KIRREL2: variants seen among roughly 807,000 people sequenced by gnomAD.
KIRREL2 encodes the protein kirre like nephrin family adhesion molecule 2, also known as kin of IRRE-like protein 2.
A neutral mutation model predicts 73.4 loss-of-function variants in KIRREL2; 56 were observed. The ratio of observed to expected loss-of-function variants is 0.76; its 90% CI spans 0.62 to 0.95. The LOEUF is 0.95. Ranked by LOEUF, KIRREL2 falls within the 40% of genes least tolerant of loss-of-function variation. The pLI is 0.00. For synonymous variants in KIRREL2, 407 were observed against 404.0 expected (o/e 1.01, Z -0.09); for missense variants, 896 against 935.0 (o/e 0.96, Z 0.54).
chr19:35,853,075 A>G (rs544064633), upstream of KIRREL2, among the ~76,000 whole-genome samples: 3 of 151,806 alleles, frequency 2.0e-5, no homozygotes, highest in East Asian at 5.8e-4. Flanking sequence ...GATTACAGAC[A>G]TGAGCCACCG....
chr19:35,859,692 G>A (rs892650753), intron 5 of KIRREL2, 61 bp downstream of exon 5: 36 of 1,581,882 alleles, frequency 2.3e-5, no homozygotes, highest in Non-Finnish European at 2.9e-5. Context: ...GTATGAGGAA[G>A]GAGGGGACTG....
At position 35,858,817 on chromosome 19, in the gene KIRREL2, C is replaced by T. The variant is rs1460049866; in HGVS notation, c.475C>T (p.Leu159=). The T allele has an allele frequency of 1.2e-6, 2 of 1,614,056 alleles. No individual in the cohort carries two copies. Among genetic ancestry groups the T allele is most frequent in the African/African-American group, 2.7e-5 (2 of 74,914 alleles). ...GGATGCCCGCCCTACCCCTGAATTGCTGTGGTTCCGAGATGGGGTCCTGTT... is the reference window on the plus strand; with the variant it reads ...GGATGCCCGCCCTACCCCTGAATTGTTGTGGTTCCGAGATGGGGTCCTGTT... The part of the protein sequence containing the change: ...RGDARPTPEL[L]WFRDGVLLDG... The change falls in exon 4 of 15, where the codon CTG becomes TTG. Residue 159 remains leucine (L), a synonymous_variant. Transcript: ENST00000360202.
At position 35,861,114 on chromosome 19, in the gene KIRREL2, T is replaced by C; in HGVS notation, c.1057-8T>C. ...AATCCGGCTTCTGACGCCCCTTCCC[T>C]GTCGCAGGTGCTGGGCTCTGGAGCC... On this transcript the variant is annotated splice_polypyrimidine_tract_variant and splice_region_variant and intron_variant, in intron 8 of 14. Transcript: ENST00000360202. The C allele has an allele frequency of 6.2e-7, 1 of 1,606,794 alleles. No homozygotes were observed. Among genetic ancestry groups the C allele is most frequent in the Non-Finnish European group, 8.5e-7 (1 of 1,177,474 alleles).
chr19:35,862,672 TGGCCTTG>T (rs1196655017), intron 12 of KIRREL2, 75 bp downstream of exon 12: 11 of 1,127,344 alleles, frequency 9.8e-6, no homozygotes, highest in Non-Finnish European at 1.5e-5. Flanking sequence ...TGACCTGACC[TGGCCTTG>T]GGCCTTGGCT....
chr19:35,851,805 G>A, upstream of KIRREL2: 3 of 1,553,170 alleles, frequency 1.9e-6, no homozygotes, highest in Non-Finnish European at 1.7e-6. Context: ...CCAGGAGCAG[G>A]AGAGAAGCCC....
chr19:35,865,555 G>A (rs570284662), intron 14 of KIRREL2, among the ~76,000 whole-genome samples: 2 of 152,216 alleles, frequency 1.3e-5, no homozygotes, highest in Admixed American at 1.3e-4. Context: ...CTTGTTCTAG[G>A]AAGCCCATGC....
At chr19:35,851,824 G>A (rs191850409), upstream of KIRREL2, 206 of 1,551,860 alleles carry the variant, frequency 1.3e-4, 1 homozygote, top group East Asian at 4.1e-3. Context: ...CCTGAGCGTC[G>A]TCCCCAGGGC....
chr19:35,856,748 G>T, upstream of KIRREL2: 1 of 389,492 alleles, frequency 2.6e-6, no homozygotes, highest in Non-Finnish European at 4.8e-6. The surrounding 1 kb of genome is among the most constrained non-coding windows in gnomAD (Gnocchi z 5.9). Flanking sequence ...CCGGCTCCCA[G>T]ACCCCAATTG....
chr19:35,851,881 C>A (rs1247335083), upstream of KIRREL2: 8 of 1,527,320 alleles, frequency 5.2e-6, no homozygotes, highest in East Asian at 1.7e-4. Flanking sequence ...CGCTGCCAGC[C>A]ACCTGCGTCT....
Position 35,859,564 on chromosome 19 carries a change from T to G in KIRREL2, c.606T>G (p.Phe202Leu). The change falls in exon 5 of 15, where the codon TTT becomes TTG. Residue 202 changes from phenylalanine to leucine, a missense_variant. By Grantham distance (22) the Phe-to-Leu change is conservative. Coordinates refer to ENST00000360202, the MANE Select transcript of KIRREL2 (RefSeq NM_199180.4). Reference protein sequence around the residue: ...TPFSHDDGATFVCRARSQALP... With the variant: ...TPFSHDDGATLVCRARSQALP... ...TCAGCCATGATGATGGAGCCACCTT[T>G]GTCTGCCGGGCCCGGAGCCAGGCCC... 1 of 1,614,150 alleles carries G rather than the reference T, an allele frequency of 6.2e-7. No homozygotes were observed. Among genetic ancestry groups the G allele is most frequent in the East Asian group, 2.2e-5 (1 of 44,874 alleles).
In KIRREL2 at chr19:35,858,787, C is replaced by T. The variant is rs760626191; in HGVS notation, c.445C>T (p.Arg149Cys). The T allele has an allele frequency of 2.6e-5, 42 of 1,614,058 alleles. No homozygotes were observed. Among genetic ancestry groups the T allele is most frequent in the African/African-American group, 8.0e-5 (6 of 74,912 alleles). The change falls in exon 4 of 15, where the codon CGT (arginine) becomes TGT (cysteine). Residue 149 changes from arginine to cysteine, a missense_variant. By Grantham distance (180) the Arg-to-Cys change is radical. Coordinates refer to ENST00000360202, the MANE Select transcript of KIRREL2 (RefSeq NM_199180.4). ...TCCTGCGAACCTGACATGTCGGAGC[C>T]GTGGGGATGCCCGCCCTACCCCTGA... Reference protein sequence around the residue: ...GVPANLTCRSRGDARPTPELL... With the variant: ...GVPANLTCRSCGDARPTPELL...
intron 2 of KIRREL2, among the ~76,000 whole-genome samples, chr19:35,858,136 A>T (rs1469530404): frequency 1.3e-5 from 2 of 151,878 alleles, no homozygotes; most frequent in Non-Finnish European, 2.9e-5. Flanking sequence ...CCCCTATCAT[A>T]GCCCCCTCCC....
Position 35,857,139 on chromosome 19 carries a change from C to A in KIRREL2, c.20C>A (p.Pro7His). The change falls in exon 1 of 15, where the codon CCC becomes CAC. Residue 7 changes from proline to histidine, a missense_variant. Transcript: ENST00000360202. MLRMRV[P>H]ALLVLLFCFR... Reference sequence around the variant, plus strand: ...GGACGAATGCTCAGGATGCGGGTCCCCGCCCTCCTCGTCCTCCTCTTCTGC... The same window carrying A: ...GGACGAATGCTCAGGATGCGGGTCCACGCCCTCCTCGTCCTCCTCTTCTGC... 6.2e-7 allele frequency: 1 copy of A among 1,613,778 alleles called. No homozygotes were observed. The highest frequency in any genetic ancestry group is 8.5e-7 in the Non-Finnish European group (1 of 1,179,962).
rs965134920 is a variant in KIRREL2 at position 35,861,794 on chromosome 19, T to C, written c.1291-11T>C. The C allele has an allele frequency of 1.9e-6, 3 of 1,587,932 alleles. No individual in the cohort carries two copies. The highest frequency in any genetic ancestry group is 2.6e-6 in the Non-Finnish European group (3 of 1,166,630). On this transcript the variant is annotated splice_polypyrimidine_tract_variant and intron_variant, in intron 10 of 14. Transcript: ENST00000360202. ...AGTCTCCTCCGTGTCCTCCCTCTTTTGTGCCCCCAGGTCTGGTCTTGGGAT... is the reference window on the plus strand; with the variant it reads ...AGTCTCCTCCGTGTCCTCCCTCTTTCGTGCCCCCAGGTCTGGTCTTGGGAT...
chr19:35,860,434 C>A, intron 6 of KIRREL2, 32 bp downstream of exon 6: 1 of 1,608,878 alleles, frequency 6.2e-7, no homozygotes. Flanking sequence ...TCCCCAGCCC[C>A]AAGAGTGAGC....
chr19:35,857,373 A>G lies in KIRREL2; in HGVS notation c.90A>G (p.Pro30=). The G allele has an allele frequency of 6.2e-7, 1 of 1,612,854 alleles. No individual in the cohort carries two copies. The highest frequency in any genetic ancestry group is 8.5e-7 in the Non-Finnish European group (1 of 1,180,024). ...CGTCGCCCCATTTCCTGCAACAGCC[A>G]GAGGACCTGGTGGTGCTGCTGGGGG... ...AGPSPHFLQQ[P]EDLVVLLGEE... The change falls in exon 2 of 15, where the codon CCA becomes CCG. Residue 30 remains proline (P), a synonymous_variant. Coordinates refer to ENST00000360202, the MANE Select transcript of KIRREL2 (RefSeq NM_199180.4).
Position 35,860,298 on chromosome 19 carries a change from C to T in KIRREL2, c.675C>T (p.Tyr225=). 2 of 1,612,430 alleles carry T rather than the reference C, an allele frequency of 1.2e-6. No individual in the cohort carries two copies. Among genetic ancestry groups the T allele is most frequent in the Non-Finnish European group, 1.7e-6 (2 of 1,178,932 alleles). ...RDTAITLSLQ[Y]PPEVTLSASP... ...CTGACCATTGTCCCACCCTCACAGA[C>T]CCCCCAGAGGTGACTCTGTCTGCTT... is the stretch of plus-strand genomic sequence containing the variant. Residue 225 remains tyrosine, a splice_region_variant and synonymous_variant, in exon 6 of 15, where the codon TAC becomes TAT. Coordinates refer to ENST00000360202, the MANE Select transcript of KIRREL2 (RefSeq NM_199180.4).
At chr19:35,857,244 T>C in intron 1 of KIRREL2, 64 bp downstream of exon 1, 1 of 1,603,012 alleles carries the variant, frequency 6.2e-7, no homozygotes, top group Non-Finnish European at 8.5e-7. Flanking sequence ...GGGCTGCCTC[T>C]TCACTAGCGA....
chr19:35,861,149 C>T lies in KIRREL2; in HGVS notation c.1084C>T (p.Leu362Phe). The T allele has an allele frequency of 6.3e-7, 1 of 1,596,454 alleles. No individual in the cohort carries two copies. The highest frequency in any genetic ancestry group is 8.5e-7 in the Non-Finnish European group (1 of 1,172,402). ...GCTGGGCTCTGGAGCCACACTGCGT[C>T]TTCCGTCGGTGGGGCCCGAGGACGC... is the stretch of plus-strand genomic sequence containing the variant. Reference protein sequence around the residue: ...QVLGSGATLRLPSVGPEDAGD... With the variant: ...QVLGSGATLRFPSVGPEDAGD... The change falls in exon 9 of 15, where the codon CTT (leucine) becomes TTT (phenylalanine). Residue 362 changes from leucine to phenylalanine, a missense_variant. Coordinates refer to ENST00000360202, the MANE Select transcript of KIRREL2 (RefSeq NM_199180.4).
Sources: allele counts gnomAD v4.1 joint callset (sites outside exome capture counted in the v4.1 genomes callset), GRCh38; gene constraint gnomAD v4.1.1; non-coding constraint Gnocchi (gnomAD v3.1); transcripts MANE v1.5; gene names NCBI Gene and HGNC (gene_info 2026-07-23, HGNC 2026-07-21).